Variants in ACTR3B observed in about 807,000 individuals in gnomAD.
ACTR3B encodes actin related protein 3B.
Under a neutral mutation model 59.0 loss-of-function variants are expected in ACTR3B, and 8 were observed. The ratio of observed to expected loss-of-function variants is 0.14; its 90% CI spans 0.08 to 0.24. The LOEUF is 0.24. ACTR3B is among the 10% of genes least tolerant of loss of function. The pLI, the probability that ACTR3B is intolerant of heterozygous loss-of-function variation, is 1.00. For synonymous variants in ACTR3B, 148 were observed against 197.9 expected (o/e 0.75, Z 2.12); for missense variants, 245 against 552.3 (o/e 0.44, Z 5.58).
Position 152,759,764 on chromosome 7 carries a change from G to C in ACTR3B, c.-119G>C, listed in dbSNP as rs941556695. 77 of 805,574 alleles carry C rather than the reference G, an allele frequency of 9.6e-5. No individual in the cohort carries two copies. Among genetic ancestry groups the C allele is most frequent in the African/African-American group, 8.3e-4 (45 of 54,428 alleles). The allele number at this position is 805,574 out of a possible 1,614,324, so 49.9% of individuals were successfully genotyped here. ...TCGGCCGCCGAGCATCCGGGCTCCC[G>C]GCAGCGGCGCTGCGGCGGCTCGCGG... On this transcript the variant is annotated 5_prime_UTR_variant, in exon 1 of 12. Transcript: ENST00000256001.
intron 9 of ACTR3B, among the ~76,000 whole-genome samples, chr7:152,838,482 C>T (rs62494972): frequency 1.3e-5 from 2 of 152,100 alleles, no homozygotes; most frequent in Non-Finnish European, 2.9e-5. Flanking sequence ...GGGAGTTGAA[C>T]AATGAGAAGA....
Position 152,854,741 on chromosome 7 carries a change from G to C in ACTR3B, c.*188G>C, listed in dbSNP as rs187242851. ...GCCATTTATCCGTGTGCCGACCGCT[G>C]TCTGCCAGCCTCCTCCTTCTCCCGC... On this transcript the variant is annotated 3_prime_UTR_variant, in exon 12 of 12. Transcript: ENST00000256001. The surrounding 1 kb of genome is among the most constrained non-coding windows in gnomAD (Gnocchi z 4.9). 1.1e-3 allele frequency: 634 copies of C among 558,170 alleles called. 2 individuals carry two copies. The highest frequency in any genetic ancestry group is 0.011 in the African/African-American group (564 of 52,792). 34.6% of individuals were successfully genotyped at this position (558,170 alleles called of 1,614,324 possible).
intron 9 of ACTR3B, among the ~76,000 whole-genome samples, chr7:152,837,651 CT>C (rs1797573392): frequency 6.6e-6 from 1 of 152,228 alleles, no homozygotes; most frequent in South Asian, 2.1e-4. Flanking sequence ...ATCAAGACTC[CT>C]GCTGAATACA....
intron 4 of ACTR3B, among the ~76,000 whole-genome samples, chr7:152,803,888 A>C (rs2098244299): frequency 6.6e-6 from 1 of 152,200 alleles, no homozygotes; most frequent in Admixed American, 6.5e-5. Context: ...TGAGGAAGTG[A>C]TGAGAATGGT....
intron 1 of ACTR3B, among the ~76,000 whole-genome samples, chr7:152,776,935 G>A (rs2098137499): frequency 6.6e-6 from 1 of 152,168 alleles, no homozygotes; most frequent in African/African-American, 2.4e-5. Flanking sequence ...TTGAATGGAT[G>A]TAATATAATT....
intron 4 of ACTR3B, among the ~76,000 whole-genome samples, chr7:152,802,155 C>G (rs1322234338): frequency 6.6e-6 from 1 of 151,812 alleles, no homozygotes; most frequent in Non-Finnish European, 1.5e-5. Context: ...GCACATTTGC[C>G]CCATCTGCCT....
At chr7:152,765,252 G>A (rs555543275) in intron 1 of ACTR3B, among the ~76,000 whole-genome samples, 195 of 151,472 alleles carry the variant, frequency 1.3e-3, no homozygotes, top group South Asian at 0.011. Context: ...CAAGTAGCTG[G>A]GATTACAGGC....
At chr7:152,788,198 C>T (rs1025196257) in intron 2 of ACTR3B, among the ~76,000 whole-genome samples, 7 of 151,614 alleles carry the variant, frequency 4.6e-5, no homozygotes, top group Non-Finnish European at 8.8e-5. Flanking sequence ...CCTCATGATC[C>T]TCCTGCCTTG....
At chr7:152,774,192 A>G (rs2098131076) in intron 1 of ACTR3B, among the ~76,000 whole-genome samples, 1 of 152,160 alleles carries the variant, frequency 6.6e-6, no homozygotes, top group Admixed American at 6.5e-5. Flanking sequence ...GCTGGAGTGC[A>G]ATGGCGTGAT....
Position 152,845,691 on chromosome 7 carries a change from C to T in ACTR3B, c.952-6435C>T, listed in dbSNP as rs539812532. ...CTTGGCTCTGTTTTAGGGGCCTGCTCGTGGGGTGGTGTGTGCAGCTCTCCC... is the reference window on the plus strand; with the variant it reads ...CTTGGCTCTGTTTTAGGGGCCTGCTTGTGGGGTGGTGTGTGCAGCTCTCCC... On this transcript the variant is annotated intron_variant, in intron 9 of 11. Transcript: ENST00000256001. Among the ~76,000 whole-genome samples, 18 of 152,246 alleles carry T rather than the reference C, an allele frequency of 1.2e-4. 1 individual carries two copies. Among genetic ancestry groups the T allele is most frequent in the Admixed American group, 3.9e-4 (6 of 15,292 alleles).
chr7:152,840,765 C>T (rs1399348868), intron 9 of ACTR3B, among the ~76,000 whole-genome samples: 9 of 55,422 alleles, frequency 1.6e-4, no homozygotes, highest in Non-Finnish European at 3.1e-4. Context: ...CTTCTGCTGT[C>T]GGCGGCGGGG....
At chr7:152,802,606 G>A (rs1002325422) in intron 4 of ACTR3B, among the ~76,000 whole-genome samples, 16 of 147,804 alleles carry the variant, frequency 1.1e-4, no homozygotes, top group Non-Finnish European at 1.9e-4. Flanking sequence ...GTTTTCTTCC[G>A]TGAGATGCTC....
chr7:152,774,932 A>G (rs1161505218), intron 1 of ACTR3B, among the ~76,000 whole-genome samples: 3 of 152,178 alleles, frequency 2.0e-5, no homozygotes, highest in African/African-American at 7.2e-5. Context: ...TTAAACTGTG[A>G]AAAATCTTAG....
chr7:152,766,027 T>C (rs1281117953), intron 1 of ACTR3B, among the ~76,000 whole-genome samples: 1 of 152,108 alleles, frequency 6.6e-6, no homozygotes, highest in Non-Finnish European at 1.5e-5. Flanking sequence ...AACTTTTCTC[T>C]GGGGTTTTGG....
At chr7:152,808,087 TTTGA>T (rs1481593019) in intron 4 of ACTR3B, among the ~76,000 whole-genome samples, 12 of 152,102 alleles carry the variant, frequency 7.9e-5, no homozygotes, top group South Asian at 6.2e-4. Flanking sequence ...TCTCTATACA[TTTGA>T]TGACTCTAGG....
rs1796043193 is a variant in ACTR3B, at chr7:152,820,293, C to T, written c.541-6C>T. On this transcript the variant is annotated splice_region_variant and splice_polypyrimidine_tract_variant and intron_variant, in intron 6 of 11. Transcript: ENST00000256001. ...CACAGCTGTTCTGCCTCCTCTTCTT[C>T]CCTAGGCAGAAGGTTATGTAATTGG... 2.5e-6 allele frequency: 4 copies of T among 1,577,510 alleles called. No individual in the cohort carries two copies. Among genetic ancestry groups the T allele is most frequent in the Non-Finnish European group, 3.5e-6 (4 of 1,156,944 alleles).
chr7:152,792,036 T>A (rs2098198262), intron 2 of ACTR3B, among the ~76,000 whole-genome samples: 1 of 151,980 alleles, frequency 6.6e-6, no homozygotes, highest in African/African-American at 2.4e-5. Flanking sequence ...GGATTACAGG[T>A]GCCCACCACC....
intron 9 of ACTR3B, among the ~76,000 whole-genome samples, chr7:152,842,593 C>T (rs1372158566): frequency 3.3e-5 from 5 of 152,166 alleles, no homozygotes; most frequent in Non-Finnish European, 7.3e-5. Flanking sequence ...TTCCTTCACT[C>T]GGTGCTTTTG....
intron 9 of ACTR3B, among the ~76,000 whole-genome samples, chr7:152,841,586 C>T (rs1332244963): frequency 2.0e-5 from 3 of 152,168 alleles, no homozygotes; most frequent in African/African-American, 7.2e-5. Context: ...TAGGAAAGGC[C>T]TGGAAGTATA....
Sources: allele counts gnomAD v4.1 joint callset (sites outside exome capture counted in the v4.1 genomes callset), GRCh38; gene constraint gnomAD v4.1.1; non-coding constraint Gnocchi (gnomAD v3.1); transcripts MANE v1.5; gene names NCBI Gene and HGNC (gene_info 2026-07-23, HGNC 2026-07-21).